The following WDR7 variants were observed in gnomAD, a reference collection of about 807,000 sequenced individuals.
The protein encoded by WDR7 is WD repeat domain 7, also known as WD repeat-containing protein 7.
In WDR7, 46 loss-of-function variants were observed where a neutral mutation model predicts 169.4. That is an observed-to-expected ratio of 0.27 (90% CI 0.21 to 0.35). The LOEUF is 0.35. Ranked by LOEUF, WDR7 falls within the 10% of genes least tolerant of loss-of-function variation. WDR7 has a pLI of 1.00. For missense variants in WDR7, 1,534 were observed against 1,859.3 expected, an observed-to-expected ratio of 0.83 and a Z score of 3.22; for synonymous variants, 612 against 666.8, an observed-to-expected ratio of 0.92 and a Z score of 1.27.
At chr18:56,821,870 G>A (rs1262906804) in intron 20 of WDR7, among the ~76,000 whole-genome samples, 2 of 152,098 alleles carry the variant, frequency 1.3e-5, no homozygotes, top group South Asian at 2.1e-4. Context: ...GTGGTGGTGC[G>A]CACCTGTGGT....
chr18:57,032,801 T>TTATTTA (rs1210749361), downstream of WDR7: 14 of 106,172 alleles, frequency 1.3e-4, no homozygotes, highest in African/African-American at 4.1e-4. Context: ...TATAATTATT[T>TTATTTA]TATATATATA....
intron 26 of WDR7, among the ~76,000 whole-genome samples, chr18:56,963,771 T>C (rs1459801325): frequency 6.6e-6 from 1 of 152,134 alleles, no homozygotes; most frequent in East Asian, 1.9e-4. Flanking sequence ...TCTGAATACT[T>C]GTTTAAAAGT....
At chr18:56,764,049 T>A (rs1472966937) in intron 16 of WDR7, among the ~76,000 whole-genome samples, 1 of 150,600 alleles carries the variant, frequency 6.6e-6, no homozygotes, top group Non-Finnish European at 1.5e-5. Flanking sequence ...TCACTGGTTT[T>A]TGATTTGATT....
chr18:56,769,749 T>A (rs898763029), intron 16 of WDR7, among the ~76,000 whole-genome samples: 2 of 152,188 alleles, frequency 1.3e-5, no homozygotes, highest in Admixed American at 6.5e-5. Context: ...TAAGAGGTGG[T>A]CATTGTTAAA....
rs568582077 is a variant in WDR7, at chr18:56,949,617, T to G, written c.4064+10224T>G. The stretch of plus-strand genomic sequence containing the variant: ...AGCCTTTTCAGGTAATTTTGTATCT[T>G]CTTGGGCACTACACCAAAACTCAAC... On this transcript the variant is annotated intron_variant, in intron 25 of 27. Coordinates refer to ENST00000254442, the MANE Select transcript of WDR7 (RefSeq NM_015285.3). Among the ~76,000 whole-genome samples the G allele has an allele frequency of 5.7e-4, 87 of 152,362 alleles. 1 individual carries two copies. The South Asian group carries it at 0.018, about 31-fold the overall frequency.
At chr18:56,785,976 G>A (rs2044393483) in intron 19 of WDR7, among the ~76,000 whole-genome samples, 1 of 151,984 alleles carries the variant, frequency 6.6e-6, no homozygotes, top group African/African-American at 2.4e-5. Context: ...CTCAGGACAG[G>A]AGAGCATGAA....
intron 14 of WDR7, among the ~76,000 whole-genome samples, chr18:56,744,518 A>G (rs1423108200): frequency 2.6e-5 from 4 of 152,100 alleles, no homozygotes; most frequent in African/African-American, 4.8e-5. Flanking sequence ...ATAAAAGGGA[A>G]TGGAGGGTGG....
At chr18:56,774,201 G>A (rs1275518417) in intron 16 of WDR7, among the ~76,000 whole-genome samples, 1 of 152,078 alleles carries the variant, frequency 6.6e-6, no homozygotes, top group South Asian at 2.1e-4. Flanking sequence ...AATAGGAGTA[G>A]TTTAGAATCA....
At chr18:56,666,290 G>A (rs1015496614) in intron 1 of WDR7, among the ~76,000 whole-genome samples, 2 of 126,172 alleles carry the variant, frequency 1.6e-5, no homozygotes, top group Non-Finnish European at 3.1e-5. Flanking sequence ...TGCAACCTCC[G>A]TCTCCCGGGT....
intron 7 of WDR7, among the ~76,000 whole-genome samples, chr18:56,688,025 C>T (rs2025478557): frequency 6.6e-6 from 1 of 152,082 alleles, no homozygotes; most frequent in African/African-American, 2.4e-5. Flanking sequence ...TCACTGGGGC[C>T]CTGTTAGAGA....
At chr18:56,788,357 C>T (rs2044434155) in intron 19 of WDR7, among the ~76,000 whole-genome samples, 1 of 151,990 alleles carries the variant, frequency 6.6e-6, no homozygotes, top group Non-Finnish European at 1.5e-5. Context: ...TTTTTATTGT[C>T]TAGTAATTGT....
intron 14 of WDR7, 69 bp downstream of exon 14, chr18:56,731,666 G>T: frequency 3.1e-6 from 4 of 1,301,510 alleles, no homozygotes; most frequent in South Asian, 3.2e-5. Flanking sequence ...CATGGCTTTG[G>T]CATATCTTAG....
chr18:56,932,872 TG>T (rs935946804), intron 22 of WDR7, among the ~76,000 whole-genome samples: 1 of 104,368 alleles, frequency 9.6e-6, no homozygotes, highest in South Asian at 2.9e-4. Context: ...CTCTTCATTC[TG>T]GGTGTGTGTG....
intron 21 of WDR7, among the ~76,000 whole-genome samples, chr18:56,887,176 G>A (rs2046209005): frequency 6.6e-6 from 1 of 152,098 alleles, no homozygotes; most frequent in South Asian, 2.1e-4. Flanking sequence ...GGGAACTGAA[G>A]GGCCTTAGGA....
At chr18:56,833,698 A>G (rs986285059) in intron 20 of WDR7, among the ~76,000 whole-genome samples, 1 of 152,120 alleles carries the variant, frequency 6.6e-6, no homozygotes, top group Non-Finnish European at 1.5e-5. Flanking sequence ...TCATTTTGCT[A>G]TATAGTTTCT....
intron 2 of WDR7, among the ~76,000 whole-genome samples, chr18:56,675,742 T>G (rs1243582920): frequency 1.3e-5 from 2 of 152,128 alleles, no homozygotes; most frequent in Non-Finnish European, 1.5e-5. Context: ...ATAACAATAT[T>G]GAATAGAAGT....
intron 14 of WDR7, among the ~76,000 whole-genome samples, chr18:56,754,873 C>T (rs2043859274): frequency 6.6e-6 from 1 of 152,028 alleles, no homozygotes; most frequent in Admixed American, 6.6e-5. Context: ...AGGTATTTTG[C>T]CAAATTACTC....
intron 15 of WDR7, among the ~76,000 whole-genome samples, chr18:56,758,262 G>T (rs1055453574): frequency 6.6e-6 from 1 of 152,166 alleles, no homozygotes; most frequent in Non-Finnish European, 1.5e-5. Flanking sequence ...CTTACTTTGT[G>T]TCAGTCTCTG....
intron 25 of WDR7, among the ~76,000 whole-genome samples, chr18:56,942,123 C>T (rs1166141344): frequency 6.6e-6 from 1 of 152,272 alleles, no homozygotes. Flanking sequence ...GGTCTAAAGA[C>T]GCCCTCTCCC....
Sources: gnomAD v4.1 joint callset for allele counts (sites outside exome capture counted in the v4.1 genomes callset) on GRCh38, gnomAD v4.1.1 for gene constraint, MANE v1.5 for transcripts, NCBI Gene and HGNC (gene_info 2026-07-23, HGNC 2026-07-21) for gene names.